MAN2A1: variants seen among roughly 807,000 people sequenced by gnomAD.
MAN2A1 encodes alpha-mannosidase 2.
In MAN2A1, 76 loss-of-function variants were observed where a neutral mutation model predicts 142.6. The observed-to-expected ratio is 0.53, with a 90% CI of 0.44 to 0.65. The LOEUF (loss-of-function observed/expected upper bound fraction) is 0.65. MAN2A1 is among the 30% of genes least tolerant of loss of function. The pLI is 0.00. For synonymous variants in MAN2A1, 559 were observed against 473.2 expected (o/e 1.18, Z -2.35); for missense variants, 1,311 against 1,365.1 (o/e 0.96, Z 0.62).
At chr5:109,818,361 C>T (rs1580283812) in intron 13 of MAN2A1, among the ~76,000 whole-genome samples, 1 of 152,238 alleles carries the variant, frequency 6.6e-6, no homozygotes. Flanking sequence ...TGGTCTCAAA[C>T]TCCTGACCCC....
At chr5:109,705,186 A>C (rs1228066594) in intron 1 of MAN2A1, among the ~76,000 whole-genome samples, 1 of 151,174 alleles carries the variant, frequency 6.6e-6, no homozygotes. Flanking sequence ...TCATTCTTTC[A>C]TGTTCCTTCC....
chr5:109,732,761 T>C (rs1227897159), intron 4 of MAN2A1, among the ~76,000 whole-genome samples: 1 of 152,190 alleles, frequency 6.6e-6, no homozygotes, highest in African/African-American at 2.4e-5. Flanking sequence ...TTTTGGTTAC[T>C]GTAGCCTTGT....
In MAN2A1 at chr5:109,690,506, A is replaced by C; in HGVS notation, c.89A>C (p.His30Pro). The change falls in exon 1 of 22, where the codon CAC (histidine) becomes CCC (proline). Residue 30 changes from histidine to proline, a missense_variant. His to Pro is a moderately conservative substitution (Grantham distance 77). Transcript: ENST00000261483. ...FSLYLMLDRG[H>P]LDYPRNPRRE... Reference sequence around the variant, plus strand: ...CTCTACCTGATGCTGGACCGGGGTCACTTAGACTACCCCAGGAACCCGCGC... The same window carrying C: ...CTCTACCTGATGCTGGACCGGGGTCCCTTAGACTACCCCAGGAACCCGCGC... 3.1e-6 allele frequency: 5 copies of C among 1,613,408 alleles called. 1 individual carries two copies. The South Asian group carries it at 5.5e-5, about 18-fold the overall frequency.
chr5:109,756,680 C>T (rs1752698275), intron 5 of MAN2A1, among the ~76,000 whole-genome samples: 1 of 152,160 alleles, frequency 6.6e-6, no homozygotes, highest in Non-Finnish European at 1.5e-5. Flanking sequence ...CATTTGGAAG[C>T]ATGTTGCAGG....
intron 12 of MAN2A1, among the ~76,000 whole-genome samples, chr5:109,791,493 G>A (rs995609009): frequency 6.6e-5 from 10 of 152,076 alleles, no homozygotes; most frequent in Admixed American, 3.3e-4. Context: ...AAGCCTTAGA[G>A]GTGTGGCTGT....
chr5:109,696,351 G>A (rs1011121619), intron 1 of MAN2A1, among the ~76,000 whole-genome samples: 4 of 152,072 alleles, frequency 2.6e-5, no homozygotes, highest in East Asian at 1.9e-4. Flanking sequence ...TGCCCGCCTT[G>A]ACCTCCCAAC....
At chr5:109,774,302 T>G (rs1753224935) in intron 7 of MAN2A1, among the ~76,000 whole-genome samples, 1 of 152,166 alleles carries the variant, frequency 6.6e-6, no homozygotes. Context: ...TTGTTCAAAG[T>G]ACACTTTTTT....
At chr5:109,804,079 A>G (rs568059701) in intron 12 of MAN2A1, 27 of 706,164 alleles carry the variant, frequency 3.8e-5, no homozygotes, top group East Asian at 1.3e-4. Context: ...AGTTCAGAAC[A>G]TAGACTAAAG....
intron 12 of MAN2A1, among the ~76,000 whole-genome samples, chr5:109,807,310 T>G (rs1053890629): frequency 1.3e-5 from 2 of 152,216 alleles, no homozygotes; most frequent in Non-Finnish European, 2.9e-5. Flanking sequence ...GTCCTCATTT[T>G]CAACAGGAAT....
chr5:109,753,259 C>G (rs1211456618), intron 4 of MAN2A1, among the ~76,000 whole-genome samples: 1 of 152,174 alleles, frequency 6.6e-6, no homozygotes, highest in Non-Finnish European at 1.5e-5. Flanking sequence ...TCCATAGCCT[C>G]TAGACTGTGG....
intron 16 of MAN2A1, among the ~76,000 whole-genome samples, chr5:109,831,679 C>A (rs965561904): frequency 6.6e-6 from 1 of 152,136 alleles, no homozygotes; most frequent in African/African-American, 2.4e-5. Context: ...TCGGAAACTT[C>A]ACATCATTAT....
At chr5:109,772,042 C>T (rs1753160085) in intron 7 of MAN2A1, among the ~76,000 whole-genome samples, 1 of 150,550 alleles carries the variant, frequency 6.6e-6, no homozygotes, top group South Asian at 2.1e-4. Flanking sequence ...AAAGTGATTT[C>T]CAGGCACCTG....
At chr5:109,857,607 A>G (rs1294219597) in intron 20 of MAN2A1, among the ~76,000 whole-genome samples, 1 of 152,226 alleles carries the variant, frequency 6.6e-6, no homozygotes, top group African/African-American at 2.4e-5. Flanking sequence ...GTCAGTGAGC[A>G]TAGGGTTTTA....
chr5:109,855,894 G>A (rs1437466869), intron 20 of MAN2A1, among the ~76,000 whole-genome samples: 1 of 152,168 alleles, frequency 6.6e-6, no homozygotes, highest in African/African-American at 2.4e-5. Flanking sequence ...ATAAGAATTA[G>A]ACATTTGACA....
chr5:109,784,900 C>T lies in MAN2A1; in HGVS notation c.1734C>T (p.Asp578=), dbSNP rs747231239. ...ATGCTATCACAGGAACTGCAAAAGA[C>T]TGGGTGGTTGTGGATTATGGTACCA... ...HHDAITGTAK[D]WVVVDYGTRL... Residue 578 remains aspartate, a synonymous_variant, in exon 10 of 22, where the codon GAC becomes GAT. Coordinates refer to ENST00000261483, the MANE Select transcript of MAN2A1 (RefSeq NM_002372.4). The T allele has an allele frequency of 1.2e-6, 2 of 1,600,494 alleles. No homozygotes were observed. Among genetic ancestry groups the T allele is most frequent in the Non-Finnish European group, 1.7e-6 (2 of 1,176,078 alleles).
At position 109,755,192 on chromosome 5, in the gene MAN2A1, T is replaced by C. The variant is rs1752656338; in HGVS notation, c.708-137T>C. The C allele has an allele frequency of 1.4e-5, 9 of 657,556 alleles. No individual in the cohort carries two copies. The East Asian group carries it at 2.5e-4, about 18-fold the overall frequency. The allele number at this position is 657,556 out of a possible 1,614,324, so 40.7% of individuals were successfully genotyped here. A position where few individuals can be genotyped will look rare whatever the true frequency, so the allele number is the denominator to read the frequency against. Reference sequence around the variant, plus strand: ...CTTGAAGTTGAAATTCATTCACTGGTTTAAACACATTTTTTGACAACTAGT... The same window carrying C: ...CTTGAAGTTGAAATTCATTCACTGGCTTAAACACATTTTTTGACAACTAGT... On this transcript the variant is annotated intron_variant, in intron 4 of 21. Transcript: ENST00000261483.
chr5:109,729,045 T>C (rs1424771401), intron 3 of MAN2A1, among the ~76,000 whole-genome samples: 2 of 152,044 alleles, frequency 1.3e-5, no homozygotes, highest in Non-Finnish European at 2.9e-5. Flanking sequence ...AATTAGATAC[T>C]ATAATTATTA....
At chr5:109,720,680 A>G (rs549424644) in intron 3 of MAN2A1, among the ~76,000 whole-genome samples, 12 of 152,342 alleles carry the variant, frequency 7.9e-5, no homozygotes, top group African/African-American at 2.4e-4. Context: ...GAGCTAAAAA[A>G]TAAAATCGCA....
chr5:109,832,625 C>A (rs1297588600), intron 16 of MAN2A1, among the ~76,000 whole-genome samples: 1 of 152,194 alleles, frequency 6.6e-6, no homozygotes, highest in African/African-American at 2.4e-5. Context: ...CCCCACACGT[C>A]CCCCCCTTCC....
Sources: allele counts gnomAD v4.1 joint callset (sites outside exome capture counted in the v4.1 genomes callset), GRCh38; gene constraint gnomAD v4.1.1; transcripts MANE v1.5; gene names NCBI Gene and HGNC (gene_info 2026-07-23, HGNC 2026-07-21).